SLC35F4: variants seen among roughly 807,000 people sequenced by gnomAD.
SLC35F4 encodes chromosome 14 open reading frame 36.
In SLC35F4, 24 loss-of-function variants were observed where a neutral mutation model predicts 44.2. The ratio of observed to expected loss-of-function variants is 0.54; its 90% CI spans 0.39 to 0.76. The LOEUF (loss-of-function observed/expected upper bound fraction) is 0.76, where lower values mean the gene tolerates loss of function less well. Among genes scored for constraint, SLC35F4 ranks in the 30% least tolerant of loss-of-function variants. SLC35F4 has a pLI of 0.00. For missense variants in SLC35F4, 562 were observed against 586.1 expected (o/e 0.96, Z 0.42); for synonymous variants, 238 against 223.6 (o/e 1.06, Z -0.57).
At chr14:57,743,822 C>T (rs2076686476) in intron 1 of SLC35F4, among the ~76,000 whole-genome samples, 1 of 152,132 alleles carries the variant, frequency 6.6e-6, no homozygotes, top group Non-Finnish European at 1.5e-5. Flanking sequence ...TGCAAAAAAT[C>T]CTCAATAAAA....
intron 1 of SLC35F4, among the ~76,000 whole-genome samples, chr14:57,649,759 C>G (rs1295556052): frequency 6.7e-6 from 1 of 149,900 alleles, no homozygotes; most frequent in African/African-American, 2.5e-5. Flanking sequence ...AATGAATATA[C>G]CTTTTTTGTT....
At chr14:57,945,120 C>T (rs1889999943) in intron 1 of SLC35F4, among the ~76,000 whole-genome samples, 1 of 152,166 alleles carries the variant, frequency 6.6e-6, no homozygotes, top group South Asian at 2.1e-4. Context: ...ATTCCCATTG[C>T]AAAGCCCTAT....
intron 1 of SLC35F4, among the ~76,000 whole-genome samples, chr14:57,909,616 A>G (rs1190601905): frequency 4.0e-5 from 6 of 151,816 alleles, no homozygotes; most frequent in Admixed American, 1.3e-4. Context: ...AATATGCATC[A>G]AAGGTTCTTT....
At chr14:57,842,887 T>C (rs1324184145) in intron 1 of SLC35F4, among the ~76,000 whole-genome samples, 3 of 152,130 alleles carry the variant, frequency 2.0e-5, no homozygotes, top group Non-Finnish European at 4.4e-5. Flanking sequence ...CACCACCTAA[T>C]CAGCTGTCAG....
At chr14:57,978,241 T>C (rs75083866) in intron 1 of SLC35F4, among the ~76,000 whole-genome samples, 2,618 of 152,210 alleles carry the variant, frequency 0.017, 66 homozygotes, top group African/African-American at 0.047. Context: ...GGGTCCTCTA[T>C]AGAGCATCAT....
At chr14:57,578,325 G>GTTTGTTTTTTTTTTTTTTTTTTTTTT (rs2068957220) in intron 4 of SLC35F4, among the ~76,000 whole-genome samples, 1 of 43,116 alleles carries the variant, frequency 2.3e-5, no homozygotes, top group African/African-American at 8.0e-5. Context: ...CCCTTTAACT[G>GTTTGTTTTTTTTTTTTTTTTTTTTTT]TTTTTTTTTT....
At chr14:57,655,353 A>G (rs1227481245) in intron 1 of SLC35F4, among the ~76,000 whole-genome samples, 14 of 152,138 alleles carry the variant, frequency 9.2e-5, no homozygotes, top group Admixed American at 9.2e-4. Context: ...GTCTGTTCCC[A>G]TCAAGCTTAC....
At chr14:57,854,322 A>C (rs927250) in intron 1 of SLC35F4, among the ~76,000 whole-genome samples, 2 of 151,840 alleles carry the variant, frequency 1.3e-5, no homozygotes, top group Non-Finnish European at 2.9e-5. Context: ...TATAATTTTT[A>C]AAAAAAAATT....
chr14:57,944,503 C>G (rs1344802387), intron 1 of SLC35F4, among the ~76,000 whole-genome samples: 2 of 152,086 alleles, frequency 1.3e-5, no homozygotes, highest in Non-Finnish European at 2.9e-5. Context: ...TATATCAGGG[C>G]TGCCTGTCTT....
intron 1 of SLC35F4, among the ~76,000 whole-genome samples, chr14:57,921,250 T>C (rs1458362881): frequency 6.6e-6 from 1 of 152,032 alleles, no homozygotes; most frequent in Admixed American, 6.5e-5. Flanking sequence ...AGAATCCAAG[T>C]CAATATTGTG....
downstream of SLC35F4, among the ~76,000 whole-genome samples, chr14:57,973,568 ATGT>A (rs1479862071): frequency 2.6e-5 from 4 of 152,164 alleles, no homozygotes; most frequent in Admixed American, 1.3e-4. Flanking sequence ...CGGGGAATAA[ATGT>A]TGTGGCCCAA....
At chr14:57,686,566 G>A in intron 1 of SLC35F4, among the ~76,000 whole-genome samples, 1 of 152,140 alleles carries the variant, frequency 6.6e-6, no homozygotes, top group Non-Finnish European at 1.5e-5. Flanking sequence ...AATTGCTTTT[G>A]GCACAGACTG....
Position 57,682,638 on chromosome 14 carries a change from G to GAAA in SLC35F4, c.104-88517_104-88515dup, listed in dbSNP as rs5808933. On this transcript the variant is annotated intron_variant, in intron 1 of 7. Coordinates refer to ENST00000556826, the MANE Select transcript of SLC35F4 (RefSeq NM_001306087.2). ...TGTACTCCAGAACTTAAAGTATAAT[G>GAAA]AAAAAAAAAAAGATGCCATTTGCGG... Among the ~76,000 whole-genome samples the GAAA allele has an allele frequency of 3.1e-4, 46 of 148,468 alleles. 1 individual carries two copies. Among genetic ancestry groups the GAAA allele is most frequent in the Admixed American group, 1.3e-3 (20 of 14,844 alleles).
At chr14:57,791,266 G>T (rs558821841) in intron 1 of SLC35F4, among the ~76,000 whole-genome samples, 1 of 152,044 alleles carries the variant, frequency 6.6e-6, no homozygotes, top group South Asian at 2.1e-4. Flanking sequence ...ACAGTCTACA[G>T]GGAAGTTAAA....
At chr14:57,885,488 T>G (rs902118407) in intron 1 of SLC35F4, among the ~76,000 whole-genome samples, 1 of 152,194 alleles carries the variant, frequency 6.6e-6, no homozygotes, top group Non-Finnish European at 1.5e-5. Context: ...TCTCAGTTGT[T>G]TAAATAAAAT....
chr14:57,761,472 G>C (rs931202524), intron 1 of SLC35F4, among the ~76,000 whole-genome samples: 10 of 152,074 alleles, frequency 6.6e-5, no homozygotes, highest in African/African-American at 2.4e-4. Context: ...TGAAGACTTA[G>C]AACAAAAATT....
chr14:57,915,856 C>G lies in SLC35F4; in HGVS notation n.282+66057G>C, dbSNP rs72624751. ...TCTTCTGAACCCTACTAGAATCACC[C>G]TAAATGATCTGTTCATGGCAATACA... On this transcript the variant is annotated intron_variant and non_coding_transcript_variant, in intron 1 of 1. Transcript: ENST00000556568. 0.023 allele frequency among the ~76,000 whole-genome samples: 3,465 copies of G among 152,280 alleles called. 425 individuals are homozygous for G. The East Asian group carries it at 0.39, about 17-fold the overall frequency.
intron 1 of SLC35F4, among the ~76,000 whole-genome samples, chr14:57,932,221 T>G (rs1445909753): frequency 6.6e-6 from 1 of 152,172 alleles, no homozygotes; most frequent in East Asian, 1.9e-4. Context: ...TAAGTAAAGC[T>G]TTCCACAGTT....
intron 1 of SLC35F4, among the ~76,000 whole-genome samples, chr14:57,752,708 C>T (rs1214484492): frequency 6.6e-6 from 1 of 152,138 alleles, no homozygotes; most frequent in African/African-American, 2.4e-5. Context: ...ATCCACCCGC[C>T]TCGGCCTCCC....
Sources: gnomAD v4.1 joint callset for allele counts (sites outside exome capture counted in the v4.1 genomes callset) on GRCh38, gnomAD v4.1.1 for gene constraint, MANE v1.5 for transcripts, NCBI Gene and HGNC (gene_info 2026-07-23, HGNC 2026-07-21) for gene names.